CDKAL1: variants seen among roughly 807,000 people sequenced by gnomAD.
The protein encoded by CDKAL1 is threonylcarbamoyladenosine tRNA methylthiotransferase.
A neutral mutation model predicts 68.2 loss-of-function variants in CDKAL1; 32 were observed. That is an observed-to-expected ratio of 0.47 (90% CI 0.35 to 0.63). The LOEUF (loss-of-function observed/expected upper bound fraction) is 0.63, where lower values mean the gene tolerates loss of function less well. Among genes scored for constraint, CDKAL1 ranks in the 30% least tolerant of loss-of-function variants. The probability of loss-of-function intolerance (pLI) is 0.00; values close to 1 mark genes in which losing one functional copy is unlikely to be tolerated. For missense variants in CDKAL1, 606 were observed against 696.7 expected, an observed-to-expected ratio of 0.87 and a Z score of 1.47; for synonymous variants, 234 against 244.3, an observed-to-expected ratio of 0.96 and a Z score of 0.39.
chr6:20,921,037 A>C (rs1762931748), intron 9 of CDKAL1, among the ~76,000 whole-genome samples: 1 of 152,204 alleles, frequency 6.6e-6, no homozygotes, highest in African/African-American at 2.4e-5. Flanking sequence ...CCATTTATCA[A>C]GGGTCAACTG....
intron 8 of CDKAL1, among the ~76,000 whole-genome samples, chr6:20,816,258 G>C (rs143665112): frequency 1.3e-5 from 2 of 151,918 alleles, no homozygotes; most frequent in Non-Finnish European, 2.9e-5. Context: ...CAGATTCCTG[G>C]CAGATGTGAA....
chr6:20,828,973 G>A (rs975634382), intron 8 of CDKAL1, among the ~76,000 whole-genome samples: 3 of 152,046 alleles, frequency 2.0e-5, no homozygotes, highest in South Asian at 4.1e-4. Context: ...TTTTCAGCTC[G>A]CATAATGTTC....
intron 4 of CDKAL1, among the ~76,000 whole-genome samples, chr6:20,588,572 G>GT (rs1182083491): frequency 1.3e-5 from 2 of 152,102 alleles, no homozygotes; most frequent in Non-Finnish European, 2.9e-5. Context: ...TCTATTTCAG[G>GT]TTTTCCCTCT....
intron 4 of CDKAL1, among the ~76,000 whole-genome samples, chr6:20,633,112 T>C (rs1767746739): frequency 6.6e-6 from 1 of 152,238 alleles, no homozygotes; most frequent in Non-Finnish European, 1.5e-5. Flanking sequence ...TCATTTGAAA[T>C]ACACAGTTTT....
chr6:20,592,467 GC>G (rs1765632498), intron 4 of CDKAL1, among the ~76,000 whole-genome samples: 1 of 138,480 alleles, frequency 7.2e-6, no homozygotes, highest in African/African-American at 2.7e-5. Flanking sequence ...AATGCTTCCA[GC>G]TTTTTTTTTT....
At chr6:20,876,938 A>C (rs193117528) in intron 9 of CDKAL1, among the ~76,000 whole-genome samples, 24 of 152,318 alleles carry the variant, frequency 1.6e-4, no homozygotes, top group African/African-American at 3.6e-4. Flanking sequence ...ACATATTATA[A>C]ATTTAAATGC....
chr6:21,015,947 CAAAAAAAAAAAAAA>C (rs776583682), intron 11 of CDKAL1, among the ~76,000 whole-genome samples: 1 of 75,572 alleles, frequency 1.3e-5, no homozygotes, highest in African/African-American at 4.7e-5. Flanking sequence ...GACTCTGACT[CAAAAAAAAAAAAAA>C]AAGAAAGAAT....
intron 5 of CDKAL1, among the ~76,000 whole-genome samples, chr6:20,666,688 C>CTTTT (rs35042364): frequency 3.1e-4 from 42 of 135,836 alleles, no homozygotes; most frequent in African/African-American, 1.1e-3. Flanking sequence ...CCAAAGAATC[C>CTTTT]TTTTTTTTTT....
Position 20,860,321 on chromosome 6 carries a change from C to T in CDKAL1, c.742+14143C>T, listed in dbSNP as rs376107513. Among the ~76,000 whole-genome samples the T allele has an allele frequency of 9.2e-5, 14 of 152,254 alleles. No individual in the cohort carries two copies. The East Asian group carries it at 2.5e-3, about 27-fold the overall frequency. ...CTAAAACTCCTGACCTCAGGTGATC[C>T]GCCTGCCTCAGCCTCCCAAAGTGCT... On this transcript the variant is annotated intron_variant, in intron 9 of 15. Transcript: ENST00000274695.
chr6:21,107,697 G>A (rs1017997984), intron 12 of CDKAL1, among the ~76,000 whole-genome samples: 3 of 152,126 alleles, frequency 2.0e-5, no homozygotes, highest in African/African-American at 7.2e-5. Context: ...CTCCCAAAAT[G>A]CTGGGATTAC....
At chr6:20,547,143 T>G (rs868220968) in intron 3 of CDKAL1, among the ~76,000 whole-genome samples, 4 of 152,358 alleles carry the variant, frequency 2.6e-5, no homozygotes, top group East Asian at 1.9e-4. Context: ...TTTCAGATTT[T>G]AGAGCATTGT....
At chr6:20,823,519 G>A (rs1561807433) in intron 8 of CDKAL1, among the ~76,000 whole-genome samples, 1 of 152,250 alleles carries the variant, frequency 6.6e-6, no homozygotes, top group Middle Eastern at 3.4e-3. Context: ...AAAAAAGAGT[G>A]CAGCTTGCTG....
intron 5 of CDKAL1, among the ~76,000 whole-genome samples, chr6:20,706,784 T>A (rs1266388143): frequency 1.3e-5 from 2 of 152,172 alleles, no homozygotes; most frequent in Non-Finnish European, 2.9e-5. Flanking sequence ...TTGTATAAAG[T>A]ACTTGGAAGA....
At chr6:20,771,139 A>C (rs1008169656) in intron 7 of CDKAL1, among the ~76,000 whole-genome samples, 1 of 152,182 alleles carries the variant, frequency 6.6e-6, no homozygotes, top group Non-Finnish European at 1.5e-5. Flanking sequence ...TTCATTTTCT[A>C]AGCTCATCTA....
At chr6:20,745,082 A>G (rs1390238228) in intron 6 of CDKAL1, among the ~76,000 whole-genome samples, 1 of 152,208 alleles carries the variant, frequency 6.6e-6, no homozygotes, top group South Asian at 2.1e-4. Context: ...TTCTTTGGAG[A>G]GCTGAACAGA....
At chr6:20,604,220 G>A (rs930357616) in intron 4 of CDKAL1, among the ~76,000 whole-genome samples, 1 of 152,114 alleles carries the variant, frequency 6.6e-6, no homozygotes, top group Non-Finnish European at 1.5e-5. Context: ...CCCATGAAAA[G>A]GTGGCTATAT....
At position 21,072,554 on chromosome 6, in the gene CDKAL1, C is replaced by CAAAAAA. The variant is rs71540611; in HGVS notation, c.1236+7347_1236+7352dup. On this transcript the variant is annotated intron_variant, in intron 12 of 15. Transcript: ENST00000274695. ...TGGGCGACTGAGCGAGACTCCGTCT[C>CAAAAAA]AAAAAAAAAAAAAAAAAAAAAAAAA... Among the ~76,000 whole-genome samples the CAAAAAA allele has an allele frequency of 3.1e-4, 14 of 44,486 alleles. 2 individuals carry two copies. The highest frequency in any genetic ancestry group is 1.0e-3 in the African/African-American group (12 of 11,790). 29.2% of individuals were successfully genotyped at this position (44,486 alleles called of 152,430 possible).
chr6:20,866,547 ATTTATC>A lies in CDKAL1; in HGVS notation c.742+20373_742+20378del, dbSNP rs577325797. ...GAAATTTATTCTTATACTTTTTAAA[ATTTATC>A]TTTTCTAACTCCTCAAATATTCACA... is the stretch of plus-strand genomic sequence containing the variant. On this transcript the variant is annotated intron_variant, in intron 9 of 15. Transcript: ENST00000274695. Among the ~76,000 whole-genome samples the A allele has an allele frequency of 3.8e-3, 582 of 152,318 alleles. 2 individuals are homozygous for A. Among genetic ancestry groups the A allele is most frequent in the African/African-American group, 0.013 (558 of 41,568 alleles).
At chr6:20,918,993 G>A (rs571287297) in intron 9 of CDKAL1, among the ~76,000 whole-genome samples, 6 of 152,188 alleles carry the variant, frequency 3.9e-5, no homozygotes, top group African/African-American at 9.6e-5. Flanking sequence ...TACAGAAGAG[G>A]TTCTGATTAA....
Sources: gnomAD v4.1 joint callset for allele counts (sites outside exome capture counted in the v4.1 genomes callset) on GRCh38, gnomAD v4.1.1 for gene constraint, MANE v1.5 for transcripts, NCBI Gene and HGNC (gene_info 2026-07-23, HGNC 2026-07-21) for gene names.